Variants in FMNL2 observed in about 807,000 individuals in gnomAD.
FMNL2 encodes the protein formin-like protein 2.
Under a neutral mutation model 130.2 loss-of-function variants are expected in FMNL2, and 51 were observed. The ratio of observed to expected loss-of-function variants is 0.39; its 90% CI spans 0.31 to 0.49. The LOEUF is 0.49. Ranked by LOEUF, FMNL2 falls within the 20% of genes least tolerant of loss-of-function variation. The probability of loss-of-function intolerance (pLI) is 0.85; values close to 1 mark genes in which losing one functional copy is unlikely to be tolerated. For missense variants in FMNL2, 977 were observed against 1,316.2 expected (o/e 0.74, Z 3.99); for synonymous variants, 465 against 467.1 (o/e 1.00, Z 0.06).
chr2:152,627,042 GC>G lies in FMNL2; in HGVS notation c.2165+317del, dbSNP rs1681842214. The stretch of plus-strand genomic sequence containing the variant: ...TATCTGGGTCTACTCTCTTATGCGG[GC>G]CTCCAGCAATGCTTACATAAAAGGA... On this transcript the variant is annotated intron_variant, in intron 17 of 25. Transcript: ENST00000288670. 3.3e-5 allele frequency among the ~76,000 whole-genome samples: 5 copies of G among 152,210 alleles called. No individual in the cohort carries two copies. The South Asian group carries it at 1.0e-3, about 32-fold the overall frequency.
At chr2:152,594,304 A>G (rs989387983) in intron 9 of FMNL2, among the ~76,000 whole-genome samples, 1 of 152,224 alleles carries the variant, frequency 6.6e-6, no homozygotes, top group Non-Finnish European at 1.5e-5. Flanking sequence ...TTGACTGCAG[A>G]TATGAAAACA....
At chr2:152,441,240 T>A (rs574960968) in intron 1 of FMNL2, among the ~76,000 whole-genome samples, 2 of 152,350 alleles carry the variant, frequency 1.3e-5, no homozygotes, top group Non-Finnish European at 2.9e-5. Context: ...TTTTGAGTTT[T>A]ATGATGTAGC....
At chr2:152,475,894 T>C (rs1176124535) in intron 1 of FMNL2, among the ~76,000 whole-genome samples, 1 of 152,212 alleles carries the variant, frequency 6.6e-6, no homozygotes, top group Non-Finnish European at 1.5e-5. Context: ...CTACAGTGTA[T>C]ACATAGATCT....
intron 10 of FMNL2, among the ~76,000 whole-genome samples, chr2:152,608,535 AC>A (rs1286075976): frequency 6.7e-6 from 1 of 148,630 alleles, no homozygotes; most frequent in Non-Finnish European, 1.5e-5. Context: ...ATATATATAT[AC>A]TTTATATATA....
chr2:152,623,996 G>A (rs1681557286), intron 15 of FMNL2, among the ~76,000 whole-genome samples: 2 of 144,024 alleles, frequency 1.4e-5, no homozygotes, highest in Non-Finnish European at 3.0e-5. Context: ...GAAGGGCAAG[G>A]GACTGTGGCT....
chr2:152,365,074 T>G (rs1683433411), intron 1 of FMNL2, among the ~76,000 whole-genome samples: 1 of 152,230 alleles, frequency 6.6e-6, no homozygotes, highest in Non-Finnish European at 1.5e-5. Flanking sequence ...GGTACTGTAT[T>G]AGAGTATAAA....
At chr2:152,371,668 C>CAAA (rs71394476) in intron 1 of FMNL2, among the ~76,000 whole-genome samples, 11 of 66,128 alleles carry the variant, frequency 1.7e-4, no homozygotes, top group East Asian at 7.4e-4. Context: ...GACTCTGTCT[C>CAAA]AAAAAAAAAA....
intron 10 of FMNL2, among the ~76,000 whole-genome samples, chr2:152,608,357 TGTGAAAAAAAAA>T (rs1278746830): frequency 1.2e-4 from 10 of 83,372 alleles, no homozygotes; most frequent in African/African-American, 4.4e-4. Flanking sequence ...TAACCCTTTT[TGTGAAAAAAAAA>T]AAGAAAAAAA....
intron 1 of FMNL2, among the ~76,000 whole-genome samples, chr2:152,351,724 G>A (rs890313821): frequency 6.6e-5 from 10 of 152,238 alleles, no homozygotes; most frequent in South Asian, 4.2e-4. Context: ...CCCATAATGG[G>A]ATTGCTGGGT....
chr2:152,478,251 T>TA lies in FMNL2; in HGVS notation c.118-43692_118-43691insA, dbSNP rs1491140356. Among the ~76,000 whole-genome samples, 97 of 53,880 alleles carry TA rather than the reference T, an allele frequency of 1.8e-3. 1 individual carries two copies. Among genetic ancestry groups the TA allele is most frequent in the East Asian group, 7.2e-3 (11 of 1,520 alleles). 35.3% of individuals were successfully genotyped at this position (53,880 alleles called of 152,430 possible). On this transcript the variant is annotated intron_variant, in intron 1 of 25. Coordinates refer to ENST00000288670, the MANE Select transcript of FMNL2 (RefSeq NM_052905.4). ...ATACATATATATATATATATATATATTTTTTTTTTTTTTTTTTGAGACAGA... is the reference window on the plus strand; with the variant it reads ...ATACATATATATATATATATATATATATTTTTTTTTTTTTTTTTGAGACAGA...
rs145425180 is a variant in FMNL2 at position 152,576,019 on chromosome 2, G to C, written c.705+775G>C. Among the ~76,000 whole-genome samples, 10 of 152,280 alleles carry C rather than the reference G, an allele frequency of 6.6e-5. No individual in the cohort carries two copies. The East Asian group carries it at 1.9e-3, about 29-fold the overall frequency. ...CTGTAGTACCTAGCGTGAACTGGTA[G>C]GGTCATCAGTTTAATTAGGTCAGCA... On this transcript the variant is annotated intron_variant, in intron 7 of 25. Coordinates refer to ENST00000288670, the MANE Select transcript of FMNL2 (RefSeq NM_052905.4).
chr2:152,444,393 T>C (rs1688228746), intron 1 of FMNL2, among the ~76,000 whole-genome samples: 1 of 152,192 alleles, frequency 6.6e-6, no homozygotes. Context: ...ATATTTAGTC[T>C]GATTTGAGGG....
At chr2:152,412,488 AT>A (rs1686371510) in intron 1 of FMNL2, among the ~76,000 whole-genome samples, 8 of 52,970 alleles carry the variant, frequency 1.5e-4, no homozygotes, top group African/African-American at 3.6e-4. Context: ...ATATATATAT[AT>A]ATATATATAT....
At position 152,510,632 on chromosome 2, in the gene FMNL2, C is replaced by T. The variant is rs147000830; in HGVS notation, c.118-11311C>T. ...AAGTATTACTTTAATACCAGGATGT[C>T]GTACACACAGATGCAAACACTTACT... is the stretch of plus-strand genomic sequence containing the variant. On this transcript the variant is annotated intron_variant, in intron 1 of 25. Transcript: ENST00000288670. Among the ~76,000 whole-genome samples the T allele has an allele frequency of 7.4e-3, 1,126 of 152,330 alleles. 16 individuals carry two copies. The highest frequency in any genetic ancestry group is 0.026 in the African/African-American group (1,084 of 41,566).
chr2:152,465,640 C>A (rs1437642211), intron 1 of FMNL2, among the ~76,000 whole-genome samples: 1 of 152,194 alleles, frequency 6.6e-6, no homozygotes, highest in Non-Finnish European at 1.5e-5. Context: ...TCCCCACCCC[C>A]CATCTGGCTC....
At chr2:152,398,174 C>T (rs896891813) in intron 1 of FMNL2, among the ~76,000 whole-genome samples, 7 of 152,110 alleles carry the variant, frequency 4.6e-5, no homozygotes, top group African/African-American at 1.4e-4. Flanking sequence ...CTCTGGCCTG[C>T]GAACTTGCTG....
intron 1 of FMNL2, among the ~76,000 whole-genome samples, chr2:152,470,152 A>G (rs1689779880): frequency 6.6e-6 from 1 of 152,192 alleles, no homozygotes; most frequent in East Asian, 1.9e-4. Context: ...CTAATAAAGG[A>G]CAAAGGTGGC....
chr2:152,372,079 C>T (rs530205292), intron 1 of FMNL2, among the ~76,000 whole-genome samples: 16 of 152,208 alleles, frequency 1.1e-4, no homozygotes, highest in African/African-American at 2.6e-4. Context: ...GCTCACATGT[C>T]GGGTGTAGTA....
At chr2:152,566,255 T>G (rs1315954777) in intron 6 of FMNL2, among the ~76,000 whole-genome samples, 1 of 152,252 alleles carries the variant, frequency 6.6e-6, no homozygotes, top group Non-Finnish European at 1.5e-5. Flanking sequence ...AAGTAATTAT[T>G]AAAAGTATTT....
Sources: gnomAD v4.1 joint callset for allele counts (sites outside exome capture counted in the v4.1 genomes callset) on GRCh38, gnomAD v4.1.1 for gene constraint, MANE v1.5 for transcripts, NCBI Gene and HGNC (gene_info 2026-07-23, HGNC 2026-07-21) for gene names.